SHC3: variants seen among roughly 807,000 people sequenced by gnomAD.
SHC3 encodes the protein SHC-transforming protein 3.
In SHC3, 15 loss-of-function variants were observed where a neutral mutation model predicts 60.4. That is an observed-to-expected ratio of 0.25 (90% confidence interval 0.17 to 0.38). SHC3 has a LOEUF of 0.38. Among genes scored for constraint, SHC3 ranks in the 10% least tolerant of loss-of-function variants. The pLI is 1.00. For missense variants in SHC3, 677 were observed against 786.1 expected, an observed-to-expected ratio of 0.86 and a Z score of 1.66; for synonymous variants, 294 against 325.9, an observed-to-expected ratio of 0.90 and a Z score of 1.05.
At chr9:89,101,321 T>G (rs1178730934) in intron 2 of SHC3, among the ~76,000 whole-genome samples, 1 of 152,190 alleles carries the variant, frequency 6.6e-6, no homozygotes, top group African/African-American at 2.4e-5. Context: ...TGTCAGGATT[T>G]TCTATGTAGA....
intron 1 of SHC3, among the ~76,000 whole-genome samples, chr9:89,135,980 C>T (rs557354271): frequency 9.6e-4 from 146 of 152,272 alleles, no homozygotes; most frequent in Admixed American, 1.7e-3. Flanking sequence ...GATAAGCTTA[C>T]GCAATATTCT....
chr9:89,017,669 C>G (rs1054923784), intron 11 of SHC3, among the ~76,000 whole-genome samples: 1 of 152,096 alleles, frequency 6.6e-6, no homozygotes, highest in African/African-American at 2.4e-5. Flanking sequence ...AACAAAAGAG[C>G]TTCTGCACAG....
intron 6 of SHC3, among the ~76,000 whole-genome samples, chr9:89,054,581 C>T (rs1271798043): frequency 2.0e-5 from 3 of 152,232 alleles, no homozygotes. Context: ...ATAATGAGGC[C>T]TTCCCCAAAG....
At chr9:89,041,105 C>G (rs538321925) in intron 10 of SHC3, among the ~76,000 whole-genome samples, 1 of 152,336 alleles carries the variant, frequency 6.6e-6, no homozygotes, top group South Asian at 2.1e-4. Context: ...TCATTCAGAA[C>G]TAGTCTCCAT....
intron 4 of SHC3, among the ~76,000 whole-genome samples, chr9:89,074,550 GCC>G (rs1342960594): frequency 1.3e-5 from 2 of 152,128 alleles, no homozygotes; most frequent in East Asian, 3.9e-4. Flanking sequence ...AATAAAATTA[GCC>G]TTAATTAACA....
At chr9:89,029,002 T>TCTA (rs1398012186) in intron 11 of SHC3, among the ~76,000 whole-genome samples, 13 of 149,132 alleles carry the variant, frequency 8.7e-5, no homozygotes, top group African/African-American at 3.0e-4. Context: ...TATATAGATA[T>TCTA]CTATAGAGAG....
chr9:89,135,503 G>T (rs1247223994), intron 1 of SHC3, among the ~76,000 whole-genome samples: 3 of 152,082 alleles, frequency 2.0e-5, no homozygotes, highest in Non-Finnish European at 4.4e-5. Flanking sequence ...TATTTTTGAT[G>T]CACCTTATAC....
chr9:89,103,741 T>C (rs1396687937), intron 2 of SHC3, among the ~76,000 whole-genome samples: 1 of 152,222 alleles, frequency 6.6e-6, no homozygotes, highest in African/African-American at 2.4e-5. Flanking sequence ...CTCAGCCCTA[T>C]GATGGAGATG....
chr9:89,092,630 A>T (rs1825640960), intron 2 of SHC3, among the ~76,000 whole-genome samples: 2 of 151,752 alleles, frequency 1.3e-5, no homozygotes, highest in African/African-American at 4.8e-5. Flanking sequence ...AAAAAAAAAA[A>T]AAAAAAAAAT....
At chr9:89,025,636 G>A (rs1826282626) in intron 11 of SHC3, among the ~76,000 whole-genome samples, 1 of 152,140 alleles carries the variant, frequency 6.6e-6, no homozygotes, top group Non-Finnish European at 1.5e-5. Flanking sequence ...TCCTCCCTTT[G>A]GAATTCAGGC....
intron 2 of SHC3, among the ~76,000 whole-genome samples, chr9:89,085,256 C>T (rs932688905): frequency 1.3e-5 from 2 of 152,196 alleles, no homozygotes; most frequent in African/African-American, 2.4e-5. Flanking sequence ...TCCATCACAG[C>T]GTCTCCCTTT....
intron 1 of SHC3, among the ~76,000 whole-genome samples, chr9:89,150,468 C>T (rs1273690999): frequency 1.3e-5 from 2 of 152,126 alleles, no homozygotes; most frequent in South Asian, 2.1e-4. Flanking sequence ...CAATATGTGC[C>T]GTTTTGTGTC....
intron 1 of SHC3, among the ~76,000 whole-genome samples, chr9:89,165,752 G>A (rs1218811178): frequency 1.3e-5 from 2 of 152,148 alleles, no homozygotes; most frequent in African/African-American, 4.8e-5. Flanking sequence ...GGGAAAAATT[G>A]TGAATTTATT....
intron 11 of SHC3, among the ~76,000 whole-genome samples, chr9:89,031,241 G>T (rs762798979): frequency 1.3e-5 from 2 of 152,122 alleles, no homozygotes; most frequent in Non-Finnish European, 2.9e-5. Flanking sequence ...GCTTCATTGA[G>T]ATATAATCTA....
At chr9:89,177,852 G>T (rs1054716880) in intron 1 of SHC3, 135 bp downstream of exon 1, 16 of 1,105,730 alleles carry the variant, frequency 1.4e-5, no homozygotes, top group Non-Finnish European at 1.8e-5. Context: ...TGATTGCTAA[G>T]GAGTGCGCAT....
intron 1 of SHC3, among the ~76,000 whole-genome samples, chr9:89,143,772 C>T (rs1014932083): frequency 1.3e-5 from 2 of 152,148 alleles, no homozygotes; most frequent in South Asian, 4.1e-4. Flanking sequence ...TTGCTTGGAA[C>T]CTCCAGGGAC....
At chr9:89,030,386 A>G (rs1162560699) in intron 11 of SHC3, among the ~76,000 whole-genome samples, 1 of 152,264 alleles carries the variant, frequency 6.6e-6, no homozygotes, top group Non-Finnish European at 1.5e-5. Flanking sequence ...CCTAATAGAT[A>G]TCTATAAAGA....
chr9:89,048,771 A>G (rs1824813896), intron 7 of SHC3, among the ~76,000 whole-genome samples: 2 of 152,194 alleles, frequency 1.3e-5, no homozygotes, highest in South Asian at 4.1e-4. Flanking sequence ...GGGTTCTCTC[A>G]TGTTCCCAGG....
chr9:89,062,359 C>T (rs184004899), intron 6 of SHC3, among the ~76,000 whole-genome samples: 6 of 152,308 alleles, frequency 3.9e-5, no homozygotes, highest in African/African-American at 1.2e-4. Context: ...AGACATGGCT[C>T]ATTTTCCACC....
Sources: gnomAD v4.1 joint callset for allele counts (sites outside exome capture counted in the v4.1 genomes callset) on GRCh38, gnomAD v4.1.1 for gene constraint, MANE v1.5 for transcripts, NCBI Gene and HGNC (gene_info 2026-07-23, HGNC 2026-07-21) for gene names.